KIF27: variants seen among roughly 807,000 people sequenced by gnomAD.
The protein encoded by KIF27 is kinesin-like protein KIF27.
Under a neutral mutation model 141.8 loss-of-function variants are expected in KIF27, and 84 were observed. That is an observed-to-expected ratio of 0.59 (90% CI 0.50 to 0.71). KIF27 has a LOEUF of 0.71. Among genes scored for constraint, KIF27 ranks in the 30% least tolerant of loss-of-function variants. The pLI, the probability that KIF27 is intolerant of heterozygous loss-of-function variation, is 0.00. For synonymous variants in KIF27, 471 were observed against 569.5 expected (o/e 0.83, Z 2.46); for missense variants, 1,306 against 1,628.4 (o/e 0.80, Z 3.41).
intron 5 of KIF27, among the ~76,000 whole-genome samples, chr9:83,892,941 A>G (rs933427007): frequency 2.0e-5 from 3 of 152,208 alleles, no homozygotes; most frequent in African/African-American, 7.2e-5. Flanking sequence ...GACAAATCCA[A>G]AATTATAGTA....
intron 16 of KIF27, chr9:83,848,054 T>TATATATCATATGATATATCTG (rs1947566028): frequency 4.1e-5 from 1 of 24,364 alleles, no homozygotes; most frequent in Non-Finnish European, 8.0e-5. Flanking sequence ...TACATATATC[T>TATATATCATATGATATATCTG]ATATATCATA....
chr9:83,866,971 C>T (rs981724780), intron 13 of KIF27, among the ~76,000 whole-genome samples: 13 of 141,578 alleles, frequency 9.2e-5, no homozygotes, highest in Non-Finnish European at 1.5e-5. Context: ...AAAAAGAAAC[C>T]CCACACCTAT....
rs541975790 is a variant in KIF27 at position 83,894,912 on chromosome 9, A to T, written c.1603-3411T>A. 5.3e-4 allele frequency among the ~76,000 whole-genome samples: 81 copies of T among 152,230 alleles called. No individual in the cohort carries two copies. In the South Asian group the frequency reaches 7.3e-3, roughly 14 times the overall value. Reference sequence around the variant, plus strand: ...ACAACAGTACATCACAACATCAACAACAAAAAGGGTTTATTCCAGGAATAA... The same window carrying T: ...ACAACAGTACATCACAACATCAACATCAAAAAGGGTTTATTCCAGGAATAA... On this transcript the variant is annotated intron_variant, in intron 5 of 17. Transcript: ENST00000297814.
intron 17 of KIF27, 93 bp from the exon 18 acceptor site, chr9:83,837,578 A>G: frequency 1.6e-6 from 2 of 1,254,966 alleles, no homozygotes; most frequent in African/African-American, 3.0e-5. Context: ...CATTATTATC[A>G]CCCAATATGC....
chr9:83,860,302 G>A (rs1034076300), intron 13 of KIF27, among the ~76,000 whole-genome samples: 5 of 152,002 alleles, frequency 3.3e-5, no homozygotes, highest in African/African-American at 9.7e-5. Context: ...ACTCCAAGAC[G>A]GCCACCTTCA....
intron 2 of KIF27, among the ~76,000 whole-genome samples, chr9:83,913,950 G>C (rs1955444018): frequency 6.6e-6 from 1 of 151,950 alleles, no homozygotes; most frequent in South Asian, 2.1e-4. Context: ...TTTAAAAAAA[G>C]TAGAAAGAAA....
chr9:83,870,933 A>C (rs1950735882), intron 11 of KIF27, among the ~76,000 whole-genome samples: 1 of 151,852 alleles, frequency 6.6e-6, no homozygotes, highest in African/African-American at 2.4e-5. Flanking sequence ...TTTTTTAGAG[A>C]TAGGGTCTCA....
intron 4 of KIF27, among the ~76,000 whole-genome samples, chr9:83,900,966 A>AT (rs1216029961): frequency 6.6e-6 from 1 of 151,848 alleles, no homozygotes; most frequent in East Asian, 1.9e-4. Flanking sequence ...TTATTTATTC[A>AT]TTTATTTTTA....
chr9:83,891,205 TCTG>T, intron 6 of KIF27, 87 bp downstream of exon 6: 1 of 995,868 alleles, frequency 1.0e-6, no homozygotes, highest in South Asian at 1.7e-5. Context: ...ACAAAAAAAA[TCTG>T]CTGAGACTGT....
chr9:83,860,012 A>C (rs1564318905), intron 13 of KIF27: 3 of 152,140 alleles, frequency 2.0e-5, no homozygotes, highest in Admixed American at 6.6e-5. Flanking sequence ...TTGTAGAATT[A>C]TGTTACAATT....
At chr9:83,862,920 T>G (rs1275463642) in intron 13 of KIF27, among the ~76,000 whole-genome samples, 1 of 152,184 alleles carries the variant, frequency 6.6e-6, no homozygotes, top group Non-Finnish European at 1.5e-5. Context: ...CCTAGGTATT[T>G]TATTCTCTTT....
Position 83,889,269 on chromosome 9 carries a change from C to T in KIF27, c.1810-16G>A, listed in dbSNP as rs187939068. Reference sequence around the variant, plus strand: ...TTGTGTGGACCTTGCAAGTGATTCCCCCACCCAACAACAAAAAAAGTGATA... The same window carrying T: ...TTGTGTGGACCTTGCAAGTGATTCCTCCACCCAACAACAAAAAAAGTGATA... On this transcript the variant is annotated splice_polypyrimidine_tract_variant and intron_variant, in intron 6 of 17. Transcript: ENST00000297814. 4,814 of 1,566,218 alleles carry T rather than the reference C, an allele frequency of 3.1e-3. 11 individuals are homozygous for T. The highest frequency in any genetic ancestry group is 3.8e-3 in the Non-Finnish European group (4,361 of 1,151,986).
intron 1 of KIF27, among the ~76,000 whole-genome samples, chr9:83,919,963 G>T (rs912164467): frequency 2.6e-5 from 4 of 151,612 alleles, no homozygotes; most frequent in African/African-American, 9.7e-5. Context: ...CGGGCACAGT[G>T]GTTCACACCT....
chr9:83,894,240 T>C (rs1482124781), intron 5 of KIF27, among the ~76,000 whole-genome samples: 1 of 152,204 alleles, frequency 6.6e-6, no homozygotes, highest in Admixed American at 6.5e-5. Flanking sequence ...ATCTATATTA[T>C]GAGGCCAGCA....
In KIF27 at chr9:83,853,801, A is replaced by T; in HGVS notation, c.3185T>A (p.Ile1062Asn). 6.2e-7 allele frequency: 1 copy of T among 1,612,938 alleles called. No homozygotes were observed. The highest frequency in any genetic ancestry group is 8.5e-7 in the Non-Finnish European group (1 of 1,178,990). Residue 1062 changes from isoleucine to asparagine, a missense_variant, in exon 15 of 18, where the codon ATT becomes AAT. By Grantham distance (149) the Ile-to-Asn change is moderately radical. Around this residue, in one of 4 missense-constraint regions of KIF27, gnomAD observed 596 missense variants for 751.6 expected, o/e 0.79. Transcript: ENST00000297814. ...EHVLFQLEEG[I>N]EALEAAIEYR... ...TTCAATTGCAGCTTCCAAAGCTTCA[A>T]TCCCTTCTTCAAGTTGGAAAAGAAC...
At chr9:83,902,981 C>A in intron 4 of KIF27, 79 bp downstream of exon 4, 1 of 832,854 alleles carries the variant, frequency 1.2e-6, no homozygotes, top group Admixed American at 2.8e-5. Context: ...AATATGTTAA[C>A]ACATGTACCC....
At chr9:83,912,680 A>G (rs1217328385) in intron 2 of KIF27, among the ~76,000 whole-genome samples, 1 of 152,340 alleles carries the variant, frequency 6.6e-6, no homozygotes, top group Non-Finnish European at 1.5e-5. Context: ...TTAGTCTTAT[A>G]TTCCTGAAAT....
At chr9:83,861,232 A>C (rs1171336479) in intron 13 of KIF27, among the ~76,000 whole-genome samples, 1 of 151,826 alleles carries the variant, frequency 6.6e-6, no homozygotes, top group Non-Finnish European at 1.5e-5. Flanking sequence ...CACAATGTGC[A>C]GGTTTGTTAC....
At chr9:83,908,740 C>T (rs1954834935) in intron 2 of KIF27, 88 bp from the exon 3 acceptor site, 2 of 742,206 alleles carry the variant, frequency 2.7e-6, no homozygotes, top group Non-Finnish European at 4.2e-6. Context: ...TATTTTACTA[C>T]ATTTCTATAT....
Sources: gnomAD v4.1 joint callset for allele counts (sites outside exome capture counted in the v4.1 genomes callset) on GRCh38, gnomAD v4.1.1 for gene constraint, gnomAD v4.1.1 regional missense constraint, MANE v1.5 for transcripts, NCBI Gene and HGNC (gene_info 2026-07-23, HGNC 2026-07-21) for gene names.